The following ACVRL1 variants were observed in gnomAD, a reference collection of about 807,000 sequenced individuals.
The protein encoded by ACVRL1 is activin receptor type-1-like.
Under a neutral mutation model 51.9 loss-of-function variants are expected in ACVRL1, and 20 were observed. The observed-to-expected ratio is 0.39, with a 90% CI of 0.27 to 0.56. The LOEUF (loss-of-function observed/expected upper bound fraction) is 0.56, where lower values mean the gene tolerates loss of function less well. ACVRL1 is among the 20% of genes least tolerant of loss of function. The pLI is 0.67. For missense variants in ACVRL1, 451 were observed against 670.3 expected, an observed-to-expected ratio of 0.67 and a Z score of 3.61; for synonymous variants, 288 against 280.9, an observed-to-expected ratio of 1.03 and a Z score of -0.25.
In ACVRL1 at chr12:51,912,521, C is replaced by G. The variant is rs775260927; in HGVS notation, c.47C>G (p.Ala16Gly). The G allele has an allele frequency of 6.2e-7, 1 of 1,613,802 alleles. No homozygotes were observed. The highest frequency in any genetic ancestry group is 1.7e-5 in the Admixed American group (1 of 60,016). The change falls in exon 2 of 10, where the codon GCC becomes GGC. Residue 16 changes from alanine (A) to glycine (G), a missense_variant. Ala to Gly is a moderately conservative substitution (Grantham distance 60). This residue lies in a region of ACVRL1 where 192 missense variants were observed against 216.9 expected (regional missense o/e 0.89). Coordinates refer to ENST00000388922, the MANE Select transcript of ACVRL1 (RefSeq NM_000020.3). ...PRKGLLMLLM[A>G]LVTQGDPVKP... ...AAAGGCCTTCTGATGCTGCTGATGG[C>G]CTTGGTGACCCAGGGTGAGTACTGG...
At position 51,921,137 on chromosome 12, in the gene ACVRL1, G is replaced by A; in HGVS notation, c.*244G>A. The A allele has an allele frequency of 3.7e-6, 2 of 545,514 alleles. No individual in the cohort carries two copies. Among genetic ancestry groups the A allele is most frequent in the Non-Finnish European group, 3.3e-6 (1 of 302,684 alleles). The allele number at this position is 545,514 out of a possible 1,614,324, so 33.8% of individuals were successfully genotyped here. A position where few individuals can be genotyped will look rare whatever the true frequency, so the allele number is the denominator to read the frequency against. On this transcript the variant is annotated 3_prime_UTR_variant, in exon 10 of 10. Transcript: ENST00000388922. ...CGCCTGGCTCTCTCCCCACCCCTATGGCCAGCATGGTGCACCCCCTACCAC... is the reference window on the plus strand; with the variant it reads ...CGCCTGGCTCTCTCCCCACCCCTATAGCCAGCATGGTGCACCCCCTACCAC...
chr12:51,911,018 G>T (rs1054626461), intron 1 of ACVRL1, among the ~76,000 whole-genome samples: 11 of 152,174 alleles, frequency 7.2e-5, no homozygotes, highest in Admixed American at 1.3e-4. Flanking sequence ...CTTAGACTAT[G>T]GGCTTTCTGA....
At chr12:51,909,976 C>A (rs1044790046) in intron 1 of ACVRL1, among the ~76,000 whole-genome samples, 1 of 152,166 alleles carries the variant, frequency 6.6e-6, no homozygotes, top group Non-Finnish European at 1.5e-5. Context: ...GTGAAAGGAT[C>A]CTGCCAGGCC....
At position 51,917,884 on chromosome 12, in the gene ACVRL1, C is replaced by T. The variant is rs1354864256; in HGVS notation, c.1247-1101C>T. Among the ~76,000 whole-genome samples, 2 of 152,158 alleles carry T rather than the reference C, an allele frequency of 1.3e-5. No individual in the cohort carries two copies. The highest frequency in any genetic ancestry group is 2.1e-4 in the South Asian group (1 of 4,834). On this transcript the variant is annotated intron_variant, in intron 8 of 9. Coordinates refer to ENST00000388922, the MANE Select transcript of ACVRL1 (RefSeq NM_000020.3). The surrounding 1 kb of genome is among the most constrained non-coding windows in gnomAD (Gnocchi z 4.2). The stretch of plus-strand genomic sequence containing the variant: ...AAGCTCCATCAGCCCCACACGGACT[C>T]GCGGCGCATTATAAACACTGTAATC...
intron 1 of ACVRL1, 124 bp from the exon 2 acceptor site, chr12:51,912,346 G>A: frequency 9.6e-7 from 1 of 1,039,580 alleles, no homozygotes; most frequent in Non-Finnish European, 1.5e-6. Context: ...AGGGAGTAGG[G>A]AGGCGGCCTC....
chr12:51,907,921 G>C lies in ACVRL1; in HGVS notation c.-6+226G>C, dbSNP rs1247418186. Among the ~76,000 whole-genome samples, 1 of 152,214 alleles carries C rather than the reference G, an allele frequency of 6.6e-6. No individual in the cohort carries two copies. Among genetic ancestry groups the C allele is most frequent in the Non-Finnish European group, 1.5e-5 (1 of 68,032 alleles). ...AGACTGGACTGGAAATCAGAAACTT[G>C]GTTCTAGTCGGGTGACCTGGGGTCA... On this transcript the variant is annotated intron_variant, in intron 1 of 9. Transcript: ENST00000388922. This position sits in a 1 kb window ranked among gnomAD's most constrained non-coding sequence, Gnocchi z 4.5.
At position 51,922,982 on chromosome 12, in the gene ACVRL1, G is replaced by C. The variant is rs545433870; in HGVS notation, c.*2089G>C. ...TTAGGGCAGAGTTTGCACGTCCTCTGGTCACTGGAATCCACCCAGCCCACG... is the reference window on the plus strand; with the variant it reads ...TTAGGGCAGAGTTTGCACGTCCTCTCGTCACTGGAATCCACCCAGCCCACG... On this transcript the variant is annotated 3_prime_UTR_variant, in exon 10 of 10. Transcript: ENST00000388922. 1 of 152,728 alleles carries C rather than the reference G, an allele frequency of 6.5e-6. No individual in the cohort carries two copies. The highest frequency in any genetic ancestry group is 1.9e-4 in the East Asian group (1 of 5,188). The allele number at this position is 152,728 out of a possible 1,614,324, so 9.5% of individuals were successfully genotyped here.
rs1940746387 is a variant in ACVRL1, at chr12:51,913,493, T to C, written c.314-66T>C. The C allele has an allele frequency of 1.9e-6, 3 of 1,542,404 alleles. No homozygotes were observed. The South Asian group carries it at 3.5e-5, about 18-fold the overall frequency. ...GGACTCTGGGATCTAACTGGCAGAGTGGTCTGGCCCGAGGTGGGGGGAGCT... is the reference window on the plus strand; with the variant it reads ...GGACTCTGGGATCTAACTGGCAGAGCGGTCTGGCCCGAGGTGGGGGGAGCT... On this transcript the variant is annotated intron_variant, in intron 3 of 9. Coordinates refer to ENST00000388922, the MANE Select transcript of ACVRL1 (RefSeq NM_000020.3).
At position 51,920,941 on chromosome 12, in the gene ACVRL1, G is replaced by GGGGGGGGGGGGGGGGGGGCC; in HGVS notation, c.*52_*53insGGGGGGGGGGGGGGCCGGGG. ...CTGCCTGCAGGGGGCTGGGGGGGTGGGGGGCAGTGGATGGTGCCCTATCTG... is the reference window on the plus strand; with the variant it reads ...CTGCCTGCAGGGGGCTGGGGGGGTGGGGGGGGGGGGGGGGGGGGCCGGGGCAGTGGATGGTGCCCTATCTG... On this transcript the variant is annotated 3_prime_UTR_variant, in exon 10 of 10. Transcript: ENST00000388922. 1 of 624,790 alleles carries GGGGGGGGGGGGGGGGGGGCC rather than the reference G, an allele frequency of 1.6e-6. No individual in the cohort carries two copies. Among genetic ancestry groups the GGGGGGGGGGGGGGGGGGGCC allele is most frequent in the Non-Finnish European group, 3.0e-6 (1 of 338,010 alleles). The allele number at this position is 624,790 out of a possible 1,614,324, so 38.7% of individuals were successfully genotyped here.
At position 51,912,466 on chromosome 12, in the gene ACVRL1, G is replaced by A; in HGVS notation, c.-5-4G>A. On this transcript the variant is annotated splice_polypyrimidine_tract_variant and splice_region_variant and intron_variant, in intron 1 of 9. Transcript: ENST00000388922. ...TACTCCACCTCTCTTGCTCCTCTCT[G>A]CAGGGACCATGACCTTGGGCTCCCC... 1.9e-6 allele frequency: 3 copies of A among 1,614,132 alleles called. No homozygotes were observed. Among genetic ancestry groups the A allele is most frequent in the Non-Finnish European group, 2.5e-6 (3 of 1,179,970 alleles).
intron 1 of ACVRL1, among the ~76,000 whole-genome samples, chr12:51,909,453 C>T (rs1940650988): frequency 6.6e-6 from 1 of 151,932 alleles, no homozygotes; most frequent in African/African-American, 2.4e-5. Flanking sequence ...ATGATTGCAC[C>T]ACTGCACTCC....
rs55945390 is a variant in ACVRL1, at chr12:51,919,363, C to CTGTGTGTG, written c.1377+282_1377+289dup. 2.9e-3 allele frequency: 1,109 copies of CTGTGTGTG among 387,688 alleles called. 4 individuals carry two copies. The highest frequency in any genetic ancestry group is 7.8e-3 in the African/African-American group (352 of 44,892). The allele number at this position is 387,688 out of a possible 1,614,324, so 24.0% of individuals were successfully genotyped here. A position where few individuals can be genotyped will look rare whatever the true frequency, so the allele number is the denominator to read the frequency against. The stretch of plus-strand genomic sequence containing the variant: ...GAAAAGTCAGAGGCTATCTGTGGCT[C>CTGTGTGTG]TGTGTGTGTGTGTGTGTGTGTGTGT... On this transcript the variant is annotated intron_variant, in intron 9 of 9. Coordinates refer to ENST00000388922, the MANE Select transcript of ACVRL1 (RefSeq NM_000020.3).
chr12:51,917,210 C>G lies in ACVRL1; in HGVS notation c.1246+977C>G, dbSNP rs1940862151. Among the ~76,000 whole-genome samples the G allele has an allele frequency of 6.6e-6, 1 of 152,178 alleles. No homozygotes were observed. The highest frequency in any genetic ancestry group is 2.1e-4 in the South Asian group (1 of 4,828). ...CAGGGTCCGAAACCGGGCAGTCTGC[C>G]CCGGGGCCAGTGCTCATCATCACTG... On this transcript the variant is annotated intron_variant, in intron 8 of 9. Coordinates refer to ENST00000388922, the MANE Select transcript of ACVRL1 (RefSeq NM_000020.3). This position sits in a 1 kb window ranked among gnomAD's most constrained non-coding sequence, Gnocchi z 4.2.
In ACVRL1 at chr12:51,923,273, C is replaced by G. The variant is rs2293093; in HGVS notation, c.*2380C>G. 13,920 of 152,398 alleles carry G rather than the reference C, an allele frequency of 0.091. 994 individuals carry two copies. Among genetic ancestry groups the G allele is most frequent in the East Asian group, 0.36 (1,842 of 5,160 alleles). 9.4% of individuals were successfully genotyped at this position (152,398 alleles called of 1,614,324 possible). On this transcript the variant is annotated 3_prime_UTR_variant, in exon 10 of 10. Transcript: ENST00000388922. ...AAGGTGTTCCAGGGTCGAAATTACA[C>G]TTCTCGTACCTGGAGACGCTGTTTG...
intron 9 of ACVRL1, among the ~76,000 whole-genome samples, chr12:51,920,259 A>C (rs1940939865): frequency 6.6e-6 from 1 of 152,184 alleles, no homozygotes; most frequent in Non-Finnish European, 1.5e-5. Flanking sequence ...GCCATGGCTG[A>C]TGGAGGGGCT....
At position 51,913,662 on chromosome 12, in the gene ACVRL1, C is replaced by T; in HGVS notation, c.417C>T (p.Gly139=). Residue 139 remains glycine, a synonymous_variant, in exon 4 of 10, where the codon GGC becomes GGT. Transcript: ENST00000388922. ...LLALVALGVL[G]LWHVRRRQEK... ...CCCTGGTGGCCCTGGGTGTCCTGGG[C>T]CTGTGGCATGTCCGACGGAGGCAGG... 1 of 1,609,226 alleles carries T rather than the reference C, an allele frequency of 6.2e-7. No homozygotes were observed. The highest frequency in any genetic ancestry group is 8.5e-7 in the Non-Finnish European group (1 of 1,179,980).
intron 1 of ACVRL1, among the ~76,000 whole-genome samples, chr12:51,909,595 C>T (rs542288936): frequency 2.6e-5 from 4 of 152,224 alleles, no homozygotes; most frequent in Non-Finnish European, 4.4e-5. Flanking sequence ...ACACGTCCAC[C>T]GAGACCCATG....
intron 7 of ACVRL1, 155 bp downstream of exon 7, chr12:51,915,655 T>C (rs1416862656): frequency 9.4e-7 from 1 of 1,067,386 alleles, no homozygotes; most frequent in East Asian, 2.6e-5. Flanking sequence ...ACGAGTTGTC[T>C]GAACACCCTT....
At chr12:51,912,039 G>T (rs1940699889) in intron 1 of ACVRL1, among the ~76,000 whole-genome samples, 1 of 152,170 alleles carries the variant, frequency 6.6e-6, no homozygotes, top group African/African-American at 2.4e-5. Context: ...GGCAGCCAGG[G>T]CTGGGGGGGC....
Sources: gnomAD v4.1 joint callset for allele counts (sites outside exome capture counted in the v4.1 genomes callset) on GRCh38, gnomAD v4.1.1 for gene constraint, gnomAD v4.1.1 regional missense constraint, Gnocchi (gnomAD v3.1) non-coding constraint, MANE v1.5 for transcripts, NCBI Gene and HGNC (gene_info 2026-07-23, HGNC 2026-07-21) for gene names.